Variants in PTPRM observed in about 807,000 individuals in gnomAD.
PTPRM encodes protein tyrosine phosphatase receptor type M.
PTPRM carries 47 observed loss-of-function variants against 186.7 expected under a neutral mutation model. The observed-to-expected ratio is 0.25, with a 90% CI of 0.20 to 0.32. The LOEUF (loss-of-function observed/expected upper bound fraction) is 0.32. Ranked by LOEUF, PTPRM falls within the 10% of genes least tolerant of loss-of-function variation. The probability of loss-of-function intolerance (pLI) is 1.00; values close to 1 mark genes in which losing one functional copy is unlikely to be tolerated. For synonymous variants in PTPRM, 668 were observed against 674.9 expected, an observed-to-expected ratio of 0.99 and a Z score of 0.16; for missense variants, 1,494 against 1,865.0, an observed-to-expected ratio of 0.80 and a Z score of 3.66.
At position 8,138,761 on chromosome 18, in the gene PTPRM, C is replaced by A. The variant is rs374948834; in HGVS notation, c.2168-4886C>A. Among the ~76,000 whole-genome samples the A allele has an allele frequency of 4.7e-4, 72 of 152,280 alleles. No homozygotes were observed. The South Asian group carries it at 0.014, about 31-fold the overall frequency. On this transcript the variant is annotated intron_variant, in intron 13 of 32. Transcript: ENST00000580170. The stretch of plus-strand genomic sequence containing the variant: ...AAGGGCTTCCCTCCAGCAGGCAGCT[C>A]CTTTCCCTCCCGCATCATCAACTTG...
At chr18:8,306,188 C>T (rs1005749841) in intron 20 of PTPRM, among the ~76,000 whole-genome samples, 3 of 152,070 alleles carry the variant, frequency 2.0e-5, no homozygotes, top group East Asian at 1.9e-4. Flanking sequence ...TGAGCCACTG[C>T]GCCTGGCAGC....
intron 2 of PTPRM, among the ~76,000 whole-genome samples, chr18:7,824,562 T>A (rs1047269682): frequency 3.3e-5 from 5 of 152,222 alleles, no homozygotes. Context: ...TTCTCTCTTC[T>A]TTTTCTATTT....
chr18:8,315,123 A>G (rs1278228276), intron 21 of PTPRM, among the ~76,000 whole-genome samples: 1 of 152,182 alleles, frequency 6.6e-6, no homozygotes, highest in Non-Finnish European at 1.5e-5. Flanking sequence ...CCTTTTCTCA[A>G]GGTAGCCCAT....
chr18:7,636,030 G>A (rs936911854), intron 1 of PTPRM, among the ~76,000 whole-genome samples: 5 of 152,218 alleles, frequency 3.3e-5, no homozygotes, highest in Non-Finnish European at 4.4e-5. Flanking sequence ...ATGAGAGACT[G>A]CAGGGCAGAC....
Position 8,372,945 on chromosome 18 carries a change from CT to C in PTPRM, c.3171+1948del, listed in dbSNP as rs372308846. The stretch of plus-strand genomic sequence containing the variant: ...GGAAGGGTTTGTTTGTTTCTTTCCT[CT>C]TTTTTTTTAACCTCTTATTGTACTC... On this transcript the variant is annotated intron_variant, in intron 24 of 32. Transcript: ENST00000580170. Among the ~76,000 whole-genome samples the C allele has an allele frequency of 3.0e-3, 457 of 151,180 alleles. 2 individuals carry two copies. Among genetic ancestry groups the C allele is most frequent in the Middle Eastern group, 0.024 (7 of 294 alleles).
At chr18:7,600,714 A>G (rs982678012) in intron 1 of PTPRM, among the ~76,000 whole-genome samples, 4 of 152,298 alleles carry the variant, frequency 2.6e-5, no homozygotes, top group Admixed American at 2.0e-4. Context: ...AGGAGGGAGT[A>G]ACCTGCTGGT....
chr18:8,021,392 G>A (rs191674227), intron 7 of PTPRM, among the ~76,000 whole-genome samples: 3 of 151,324 alleles, frequency 2.0e-5, no homozygotes, highest in Admixed American at 1.3e-4. Context: ...CAGGATACGT[G>A]TGCAGAGTGT....
At chr18:8,120,816 A>C (rs1235010541) in intron 13 of PTPRM, among the ~76,000 whole-genome samples, 1 of 152,172 alleles carries the variant, frequency 6.6e-6, no homozygotes, top group Non-Finnish European at 1.5e-5. Flanking sequence ...TCTATAAAAC[A>C]ATTTCATTTT....
chr18:7,777,382 A>G (rs1285496389), intron 2 of PTPRM, among the ~76,000 whole-genome samples: 2 of 152,236 alleles, frequency 1.3e-5, no homozygotes, highest in Non-Finnish European at 2.9e-5. Context: ...GTGAAATTCA[A>G]AATGCAGCGT....
chr18:7,719,479 G>A (rs763794798), intron 1 of PTPRM, among the ~76,000 whole-genome samples: 6 of 152,034 alleles, frequency 3.9e-5, no homozygotes, highest in South Asian at 2.1e-4. Flanking sequence ...AGAAATCACC[G>A]CTGAAGAACT....
At chr18:7,774,942 C>A (rs1002804599) in intron 2 of PTPRM, among the ~76,000 whole-genome samples, 2 of 152,068 alleles carry the variant, frequency 1.3e-5, no homozygotes, top group Admixed American at 6.5e-5. Flanking sequence ...ATTGGACATC[C>A]CTTTAGGACT....
intron 5 of PTPRM, among the ~76,000 whole-genome samples, chr18:7,929,438 A>G (rs2051353450): frequency 6.6e-6 from 1 of 151,978 alleles, no homozygotes; most frequent in African/African-American, 2.4e-5. Flanking sequence ...AGCTTTCTAC[A>G]CTGCGCTGTC....
intron 1 of PTPRM, among the ~76,000 whole-genome samples, chr18:7,730,764 G>C (rs147925279): frequency 3.3e-5 from 5 of 152,208 alleles, no homozygotes; most frequent in Admixed American, 1.3e-4. Context: ...AGCTCACTTC[G>C]AAGTCCAAAA....
chr18:7,828,118 C>T (rs189895191), intron 2 of PTPRM, among the ~76,000 whole-genome samples: 152 of 152,126 alleles, frequency 1.0e-3, no homozygotes, highest in African/African-American at 3.3e-3. Flanking sequence ...TATATGTGGT[C>T]CTATCTCATA....
At chr18:7,816,925 G>A (rs1237621271) in intron 2 of PTPRM, among the ~76,000 whole-genome samples, 2 of 151,704 alleles carry the variant, frequency 1.3e-5, no homozygotes, top group African/African-American at 2.4e-5. Context: ...CATTTGAAAT[G>A]CATCTCTTTG....
chr18:8,173,968 G>A (rs968852798), intron 14 of PTPRM, among the ~76,000 whole-genome samples: 7 of 152,078 alleles, frequency 4.6e-5, no homozygotes, highest in Admixed American at 3.9e-4. Flanking sequence ...TCTGGAAGCT[G>A]AGGCAGGAGA....
intron 2 of PTPRM, among the ~76,000 whole-genome samples, chr18:7,786,665 A>G (rs1455270599): frequency 6.6e-6 from 1 of 152,180 alleles, no homozygotes; most frequent in African/African-American, 2.4e-5. Context: ...TTCTCTGTTG[A>G]AGACGCATCC....
At chr18:7,990,437 A>AAAG (rs2083204706) in intron 7 of PTPRM, among the ~76,000 whole-genome samples, 36 of 152,228 alleles carry the variant, frequency 2.4e-4, no homozygotes, top group Admixed American at 2.4e-3. Flanking sequence ...GGATAATGTC[A>AAAG]TAAATAGATT....
At chr18:8,379,539 C>T (rs2095718298) in intron 28 of PTPRM, among the ~76,000 whole-genome samples, 199 bp downstream of exon 28, 1 of 152,176 alleles carries the variant, frequency 6.6e-6, no homozygotes, top group African/African-American at 2.4e-5. Flanking sequence ...CAAAGACCAC[C>T]AGGCCAGGAG....
Sources: allele counts gnomAD v4.1 joint callset (sites outside exome capture counted in the v4.1 genomes callset), GRCh38; gene constraint gnomAD v4.1.1; transcripts MANE v1.5; gene names NCBI Gene and HGNC (gene_info 2026-07-23, HGNC 2026-07-21).